The following COL21A1 variants were observed in gnomAD, a reference collection of about 807,000 sequenced individuals.
COL21A1 encodes collagen type XXI alpha 1 chain, also known as collagen alpha-1(XXI) chain.
In COL21A1, 149 loss-of-function variants were observed where a neutral mutation model predicts 137.9. That is an observed-to-expected ratio of 1.08 (90% CI 0.95 to 1.24). COL21A1 has a LOEUF of 1.24. Ranked by LOEUF, COL21A1 falls within the 50% of genes most tolerant of loss-of-function variation. The pLI is 0.00. For synonymous variants in COL21A1, 456 were observed against 391.5 expected, an observed-to-expected ratio of 1.16 and a Z score of -1.95; for missense variants, 1,167 against 1,158.4, an observed-to-expected ratio of 1.01 and a Z score of -0.11.
chr6:56,143,199 C>CTTT (rs1201380404), intron 10 of COL21A1, among the ~76,000 whole-genome samples: 14 of 124,528 alleles, frequency 1.1e-4, no homozygotes, highest in Non-Finnish European at 1.7e-4. Context: ...TACAATTTTT[C>CTTT]TTTTTTTTTT....
intron 1 of COL21A1, among the ~76,000 whole-genome samples, chr6:56,389,510 G>A (rs956364886): frequency 1.3e-5 from 2 of 151,942 alleles, no homozygotes; most frequent in Non-Finnish European, 2.9e-5. Context: ...ACTGGGGTGG[G>A]AAGTTTATTC....
At chr6:56,111,497 C>T (rs947772385) in intron 16 of COL21A1, among the ~76,000 whole-genome samples, 3 of 152,114 alleles carry the variant, frequency 2.0e-5, no homozygotes, top group African/African-American at 7.2e-5. Flanking sequence ...TTAACTTCAA[C>T]AGAAGTTGGA....
chr6:56,162,527 A>T (rs1281332526), intron 9 of COL21A1, among the ~76,000 whole-genome samples: 1 of 152,180 alleles, frequency 6.6e-6, no homozygotes, highest in African/African-American at 2.4e-5. Flanking sequence ...CAAGACATCT[A>T]TTGGACCACA....
chr6:56,181,371 G>T (rs966121570), intron 2 of COL21A1, among the ~76,000 whole-genome samples: 2 of 151,792 alleles, frequency 1.3e-5, no homozygotes, highest in African/African-American at 4.8e-5. Context: ...GGATTAAAGG[G>T]TTATGCTTTT....
At chr6:56,241,747 TTA>T (rs1387642617) in intron 1 of COL21A1, among the ~76,000 whole-genome samples, 1 of 152,210 alleles carries the variant, frequency 6.6e-6, no homozygotes, top group Admixed American at 6.5e-5. Flanking sequence ...ATAAATAGTA[TTA>T]TGTCAAACGA....
At chr6:56,202,455 A>G (rs1305796017) in intron 1 of COL21A1, among the ~76,000 whole-genome samples, 1 of 152,226 alleles carries the variant, frequency 6.6e-6, no homozygotes, top group Admixed American at 6.5e-5. Flanking sequence ...CTGCATGATT[A>G]GTGCCTCAAA....
At chr6:56,343,934 A>G (rs977047038) in intron 1 of COL21A1, among the ~76,000 whole-genome samples, 1 of 152,180 alleles carries the variant, frequency 6.6e-6, no homozygotes, top group African/African-American at 2.4e-5. Context: ...TGACAAAGAA[A>G]GACACTGTCT....
intron 16 of COL21A1, among the ~76,000 whole-genome samples, chr6:56,120,110 T>C (rs1426252201): frequency 6.6e-6 from 1 of 152,116 alleles, no homozygotes; most frequent in Non-Finnish European, 1.5e-5. Flanking sequence ...AGTGAAGAGA[T>C]AGTCCATGAA....
In COL21A1 at chr6:56,126,135, A is replaced by G; in HGVS notation, c.1557T>C (p.Leu519=). ...TGCCATGAAGCCCAGGAAAACCAGG[A>G]AGTCCACGATCACCCTGAAAATAAA... ...GRDGDKGDRG[L]PGFPGLHGMP... Residue 519 remains leucine (L), a synonymous_variant, in exon 13 of 30, where the codon CTT becomes CTC. Coordinates refer to ENST00000244728, the MANE Select transcript of COL21A1 (RefSeq NM_030820.4). 6.5e-7 allele frequency: 1 copy of G among 1,548,590 alleles called. No homozygotes were observed. The highest frequency in any genetic ancestry group is 8.7e-7 in the Non-Finnish European group (1 of 1,144,912).
At chr6:56,199,573 A>G (rs1372903878) in intron 1 of COL21A1, among the ~76,000 whole-genome samples, 1 of 152,130 alleles carries the variant, frequency 6.6e-6, no homozygotes, top group African/African-American at 2.4e-5. Context: ...AACTATGAAA[A>G]CAATGATTCA....
At chr6:56,155,710 C>T (rs1430905438) in intron 10 of COL21A1, among the ~76,000 whole-genome samples, 4 of 152,166 alleles carry the variant, frequency 2.6e-5, no homozygotes, top group South Asian at 2.1e-4. Flanking sequence ...ATTCTTGTGC[C>T]TCAGCCTCTT....
intron 5 of COL21A1, among the ~76,000 whole-genome samples, chr6:56,170,271 G>T (rs763336273): frequency 4.6e-5 from 7 of 151,722 alleles, no homozygotes; most frequent in Non-Finnish European, 1.0e-4. Flanking sequence ...ACGTCAACTA[G>T]ACCAAAATTT....
chr6:56,154,323 A>T (rs930722885), intron 10 of COL21A1, among the ~76,000 whole-genome samples: 2 of 152,158 alleles, frequency 1.3e-5, no homozygotes. Flanking sequence ...ACCTTTCTTT[A>T]TAAATTACTT....
intron 1 of COL21A1, among the ~76,000 whole-genome samples, chr6:56,235,202 C>T (rs1781823693): frequency 6.6e-6 from 1 of 151,764 alleles, no homozygotes. Context: ...AAATGGGAGG[C>T]AAAAGGGAAC....
chr6:56,350,687 T>C (rs529367431), intron 1 of COL21A1, among the ~76,000 whole-genome samples: 1 of 152,312 alleles, frequency 6.6e-6, no homozygotes, highest in Admixed American at 6.5e-5. Context: ...AAGAAGAAGA[T>C]ATAAGCATTG....
chr6:56,374,533 G>A (rs929129000), intron 1 of COL21A1, among the ~76,000 whole-genome samples: 1 of 151,938 alleles, frequency 6.6e-6, no homozygotes, highest in African/African-American at 2.4e-5. Flanking sequence ...GACCATCCTG[G>A]CCAACATGGT....
intron 16 of COL21A1, among the ~76,000 whole-genome samples, chr6:56,114,475 A>G (rs1771729594): frequency 6.6e-6 from 1 of 152,222 alleles, no homozygotes; most frequent in Non-Finnish European, 1.5e-5. Flanking sequence ...CAAATTTACA[A>G]GATAAAAACA....
intron 12 of COL21A1, among the ~76,000 whole-genome samples, chr6:56,130,896 A>T (rs895882803): frequency 6.6e-6 from 1 of 152,188 alleles, no homozygotes; most frequent in African/African-American, 2.4e-5. Flanking sequence ...CAAGTTATTT[A>T]TAAGGTTTAA....
At chr6:56,247,973 A>C (rs1782743251), upstream of COL21A1, among the ~76,000 whole-genome samples, 1 of 152,228 alleles carries the variant, frequency 6.6e-6, no homozygotes, top group South Asian at 2.1e-4. Flanking sequence ...GGTACGTTGC[A>C]GCGGACTGAT....
Sources: allele counts gnomAD v4.1 joint callset (sites outside exome capture counted in the v4.1 genomes callset), GRCh38; gene constraint gnomAD v4.1.1; transcripts MANE v1.5; gene names NCBI Gene and HGNC (gene_info 2026-07-23, HGNC 2026-07-21).